Variants in EPS8L3 observed in about 807,000 individuals in gnomAD.
EPS8L3 encodes the protein epidermal growth factor receptor kinase substrate 8-like protein 3.
EPS8L3 carries 80 observed loss-of-function variants against 88.5 expected under a neutral mutation model. That is an observed-to-expected ratio of 0.90 (90% CI 0.75 to 1.09). The LOEUF (loss-of-function observed/expected upper bound fraction) is 1.09, where lower values mean the gene tolerates loss of function less well. EPS8L3 is among the 50% of genes least tolerant of loss of function. The pLI is 0.00. For missense variants in EPS8L3, 721 were observed against 735.2 expected, an observed-to-expected ratio of 0.98 and a Z score of 0.22; for synonymous variants, 286 against 291.0, an observed-to-expected ratio of 0.98 and a Z score of 0.18.
chr1:109,751,825 C>G, intron 15 of EPS8L3, 43 bp from the exon 16 acceptor site: 1 of 1,608,804 alleles, frequency 6.2e-7, no homozygotes, highest in Non-Finnish European at 8.5e-7. Flanking sequence ...CTCTTTCCAG[C>G]CAGCCTTCCC....
intron 3 of EPS8L3, 150 bp downstream of exon 3, chr1:109,761,345 T>G: frequency 1.5e-6 from 1 of 669,282 alleles, no homozygotes; most frequent in Non-Finnish European, 2.6e-6. Context: ...GCAGGCTTGT[T>G]GGATCTGAGT....
chr1:109,761,899 T>TCCAGGGGCCCTTTCCAGAGCCATCTGCAG, intron 1 of EPS8L3, 126 bp from the exon 2 acceptor site: 1 of 768,616 alleles, frequency 1.3e-6, no homozygotes, highest in Non-Finnish European at 2.2e-6. Flanking sequence ...AGCCCCTGGC[T>TCCAGGGGCCCTTTCCAGAGCCATCTGCAG]CCAGGGGCCC....
chr1:109,759,144 AGTGTGTGTGTGTGT>A lies in EPS8L3; in HGVS notation c.406-41_406-28del, dbSNP rs3220009. The A allele has an allele frequency of 4.6e-5, 69 of 1,492,420 alleles. No homozygotes were observed. The highest frequency in any genetic ancestry group is 1.3e-4 in the South Asian group (11 of 86,430). The allele number at this position is 1,492,420 out of a possible 1,614,324, so 92.4% of individuals were successfully genotyped here. On this transcript the variant is annotated intron_variant, in intron 5 of 18. Coordinates refer to ENST00000361965, the MANE Select transcript of EPS8L3 (RefSeq NM_133181.4). This position sits in a 1 kb window ranked among gnomAD's most constrained non-coding sequence, Gnocchi z 4.2. Reference sequence around the variant, plus strand: ...TGGGAAGCAGCAGTCAGGCAGGCTAAGTGTGTGTGTGTGTGTGTGTGTGTGTGTGTGTGTGTGTG... The same window carrying A: ...TGGGAAGCAGCAGTCAGGCAGGCTAAGTGTGTGTGTGTGTGTGTGTGTGTG...
At position 109,753,171 on chromosome 1, in the gene EPS8L3, C is replaced by G. The variant is rs150634947; in HGVS notation, c.1146G>C (p.Leu382=). ...CATCTGAGAATGTGGGTTGGTAGGG[C>G]AGGGGCTCATCGCCTGTCCAGTCGG... The part of the protein sequence containing the change: ...SRADWTGDEP[L]PYQPTFSDDW... The change falls in exon 13 of 19, where the codon CTG becomes CTC. Residue 382 remains leucine, a synonymous_variant. Coordinates refer to ENST00000361965, the MANE Select transcript of EPS8L3 (RefSeq NM_133181.4). The G allele has an allele frequency of 1.2e-6, 2 of 1,612,754 alleles. No individual in the cohort carries two copies. The highest frequency in any genetic ancestry group is 2.7e-5 in the African/African-American group (2 of 74,854).
chr1:109,750,812 A>C lies in EPS8L3; in HGVS notation c.1638-20T>G. ...ACCGTGCTGTGAACAAAACAGCAAA[A>C]GCCATCCGTGGTGGGCTGGAAGGAC... is the stretch of plus-strand genomic sequence containing the variant. On this transcript the variant is annotated intron_variant, in intron 17 of 18. Transcript: ENST00000361965. 6.2e-7 allele frequency: 1 copy of C among 1,613,840 alleles called. No individual in the cohort carries two copies. The highest frequency in any genetic ancestry group is 8.5e-7 in the Non-Finnish European group (1 of 1,179,826).
intron 14 of EPS8L3, 145 bp downstream of exon 14, chr1:109,752,541 A>G (rs1287110166): frequency 2.7e-6 from 2 of 730,324 alleles, no homozygotes; most frequent in Non-Finnish European, 4.6e-6. Flanking sequence ...CACCCAAGGT[A>G]GGAGAGGGAT....
intron 13 of EPS8L3, 56 bp downstream of exon 13, chr1:109,753,061 A>G: frequency 6.8e-7 from 1 of 1,476,968 alleles, no homozygotes; most frequent in Non-Finnish European, 9.5e-7. Flanking sequence ...TGGGGAGGGC[A>G]GAAACTAGCC....
Position 109,750,338 on chromosome 1 carries a change from T to A in EPS8L3, c.*53A>T. 6.2e-7 allele frequency: 1 copy of A among 1,609,980 alleles called. No homozygotes were observed. Among genetic ancestry groups the A allele is most frequent in the East Asian group, 2.2e-5 (1 of 44,848 alleles). On this transcript the variant is annotated 3_prime_UTR_variant, in exon 19 of 19. Transcript: ENST00000361965. Reference sequence around the variant, plus strand: ...TCTCGGGGCTCTAATGGGTATCAGATCTGCCATCTTGCATCAGCGGGGCCT... The same window carrying A: ...TCTCGGGGCTCTAATGGGTATCAGAACTGCCATCTTGCATCAGCGGGGCCT...
rs771786172 is a variant in EPS8L3, at chr1:109,752,003, T to A, written c.1426A>T (p.Lys476Ter). Residue 476 changes from lysine (K) to a stop codon, truncating the protein, a stop_gained, in exon 15 of 19, where the codon AAG (lysine) becomes TAG (stop). Transcript: ENST00000361965. LOFTEE classifies it high-confidence loss of function. ...TATGGCCCAAGCCTCACCTCCAGCT[T>A]CTCTCCCTGGACCACAGTCAGTTCC... Reference protein sequence around the residue: ...PRELTVVQGEKLEVLDHSKRW... With the variant: ...PRELTVVQGE 1.2e-6 allele frequency: 2 copies of A among 1,605,472 alleles called. No homozygotes were observed. Among genetic ancestry groups the A allele is most frequent in the Admixed American group, 3.4e-5 (2 of 59,136 alleles).
At chr1:109,760,458 C>G (rs530998776) in intron 3 of EPS8L3, among the ~76,000 whole-genome samples, 1 of 152,156 alleles carries the variant, frequency 6.6e-6, no homozygotes, top group Admixed American at 6.5e-5. Context: ...TCCACCCAGG[C>G]TTCTTGTGGT....
chr1:109,759,313 G>A lies in EPS8L3; in HGVS notation c.330C>T (p.Ser110=). The part of the protein sequence containing the change: ...NVALNTCSYN[S]ILSITVQEPG... ...GCTCCTGCACGGTGATGGACAGGAT[G>A]GAGTTGTAGGAACATGTGTTGAGCG... Residue 110 remains serine, a synonymous_variant, in exon 5 of 19, where the codon TCC becomes TCT. Transcript: ENST00000361965. The surrounding 1 kb of genome is among the most constrained non-coding windows in gnomAD (Gnocchi z 4.2). The A allele has an allele frequency of 6.2e-7, 1 of 1,614,208 alleles. No homozygotes were observed. Among genetic ancestry groups the A allele is most frequent in the South Asian group, 1.1e-5 (1 of 91,090 alleles).
At position 109,758,409 on chromosome 1, in the gene EPS8L3, G is replaced by A. The variant is rs748903467; in HGVS notation, c.624C>T (p.Pro208=). The part of the protein sequence containing the change: ...LEHSLPPSPR[P]LPRHTSAREP... ...CTCGGGCACTGGTGTGGCGTGGCAG[G>A]GGCCTTGGGGATGGTGGGAGGCCTG... is the stretch of plus-strand genomic sequence containing the variant. Residue 208 remains proline (P), a synonymous_variant, in exon 8 of 19, where the codon CCC becomes CCT. Transcript: ENST00000361965. 1 of 1,609,648 alleles carries A rather than the reference G, an allele frequency of 6.2e-7. No individual in the cohort carries two copies.
At chr1:109,761,629 G>A (rs1477795773) in intron 2 of EPS8L3, 70 bp from the exon 3 acceptor site, 3 of 1,596,674 alleles carry the variant, frequency 1.9e-6, no homozygotes, top group East Asian at 4.5e-5. Context: ...AACTGCTGGG[G>A]GCAGTTGGTG....
Position 109,759,161 on chromosome 1 carries a change from G to A in EPS8L3, c.406-44C>T. ...GCAGGCTAAGTGTGTGTGTGTGTGTGTGTGTGTGTGTGTGTGTGTGTGGTG... is the reference window on the plus strand; with the variant it reads ...GCAGGCTAAGTGTGTGTGTGTGTGTATGTGTGTGTGTGTGTGTGTGTGGTG... On this transcript the variant is annotated intron_variant, in intron 5 of 18. Coordinates refer to ENST00000361965, the MANE Select transcript of EPS8L3 (RefSeq NM_133181.4). This position sits in a 1 kb window ranked among gnomAD's most constrained non-coding sequence, Gnocchi z 4.2. 6.2e-7 allele frequency: 1 copy of A among 1,603,766 alleles called. No individual in the cohort carries two copies. The highest frequency in any genetic ancestry group is 8.5e-7 in the Non-Finnish European group (1 of 1,172,018).
In EPS8L3 at chr1:109,763,909, A is replaced by G. The variant is rs943641; in HGVS notation, c.-112T>C. The G allele has an allele frequency of 0.18, 28,212 of 153,040 alleles. 2,900 individuals carry two copies. Among genetic ancestry groups the G allele is most frequent in the South Asian group, 0.23 (1,109 of 4,842 alleles). 9.5% of individuals were successfully genotyped at this position (153,040 alleles called of 1,614,324 possible). Reference sequence around the variant, plus strand: ...CCGGTGCTGGTGGTGGAAGGACAGCAGCTTCTCTGCTAGTGGCCACAGGCA... The same window carrying G: ...CCGGTGCTGGTGGTGGAAGGACAGCGGCTTCTCTGCTAGTGGCCACAGGCA... On this transcript the variant is annotated 5_prime_UTR_variant, in exon 1 of 19. Coordinates refer to ENST00000361965, the MANE Select transcript of EPS8L3 (RefSeq NM_133181.4).
chr1:109,758,246 G>A (rs1650498887), intron 8 of EPS8L3, 70 bp downstream of exon 8: 1 of 1,459,406 alleles, frequency 6.9e-7, no homozygotes. Context: ...TAGAAAAAGA[G>A]GGAGGGTTGG....
chr1:109,758,324 T>C lies in EPS8L3; in HGVS notation c.709A>G (p.Arg237Gly). The change falls in exon 8 of 19, where the codon AGG becomes GGG. Residue 237 changes from arginine to glycine, a missense_variant. Physicochemically the swap from Arg to Gly is moderately radical, Grantham distance 125. Coordinates refer to ENST00000361965, the MANE Select transcript of EPS8L3 (RefSeq NM_133181.4). ...AGACCATCCGCAGTTACCTCGTCCC[T>C]CTCTGGGTCCTCGGGGGAAGAGGAC... Reference protein sequence around the residue: ...RRSSSPEDPERDEEVLNHVLR... With the variant: ...RRSSSPEDPEGDEEVLNHVLR... The C allele has an allele frequency of 6.2e-7, 1 of 1,613,410 alleles. No homozygotes were observed. The highest frequency in any genetic ancestry group is 8.5e-7 in the Non-Finnish European group (1 of 1,179,632).
At chr1:109,758,727 A>G in intron 6 of EPS8L3, 64 bp from the exon 7 acceptor site, 2 of 1,509,454 alleles carry the variant, frequency 1.3e-6, no homozygotes, top group Non-Finnish European at 1.8e-6. Context: ...CCCTCCCCAC[A>G]ATTCTGCTCC....
chr1:109,759,286 C>T lies in EPS8L3; in HGVS notation c.357G>A (p.Pro119=), dbSNP rs777966427. 4.9e-5 allele frequency: 79 copies of T among 1,613,974 alleles called. No individual in the cohort carries two copies. In the Middle Eastern group the frequency reaches 8.2e-4, roughly 17 times the overall value. ...NSILSITVQE[P]GLPGTSTLLF... ...GCAGAGTGCTAGTGCCTGGCAGGCC[C>T]GGCTCCTGCACGGTGATGGACAGGA... Residue 119 remains proline, a synonymous_variant, in exon 5 of 19, where the codon CCG becomes CCA. Transcript: ENST00000361965. This position sits in a 1 kb window ranked among gnomAD's most constrained non-coding sequence, Gnocchi z 4.2.
Sources: gnomAD v4.1 joint callset for allele counts (sites outside exome capture counted in the v4.1 genomes callset) on GRCh38, gnomAD v4.1.1 for gene constraint, Gnocchi (gnomAD v3.1) non-coding constraint, MANE v1.5 for transcripts, NCBI Gene and HGNC (gene_info 2026-07-23, HGNC 2026-07-21) for gene names.